FAM13A: variants seen among roughly 807,000 people sequenced by gnomAD.
FAM13A encodes the protein protein FAM13A.
Under a neutral mutation model 129.6 loss-of-function variants are expected in FAM13A, and 76 were observed. The observed-to-expected ratio is 0.59, with a 90% confidence interval of 0.49 to 0.71. FAM13A has a LOEUF of 0.71. Among genes scored for constraint, FAM13A ranks in the 30% least tolerant of loss-of-function variants. FAM13A has a pLI of 0.00. For synonymous variants in FAM13A, 443 were observed against 449.9 expected, an observed-to-expected ratio of 0.98 and a Z score of 0.20; for missense variants, 1,108 against 1,249.3, an observed-to-expected ratio of 0.89 and a Z score of 1.70.
intron 3 of FAM13A, among the ~76,000 whole-genome samples, chr4:88,992,324 T>A (rs1222505889): frequency 6.6e-6 from 1 of 151,686 alleles, no homozygotes; most frequent in Non-Finnish European, 1.5e-5. Context: ...TGGAGTGCCA[T>A]GGCACAATCT....
chr4:88,895,924 A>G (rs1249898663), intron 6 of FAM13A, among the ~76,000 whole-genome samples: 4 of 148,928 alleles, frequency 2.7e-5, no homozygotes, highest in Non-Finnish European at 3.0e-5. Flanking sequence ...TACTGGGTAT[A>G]TACCCAAAGG....
intron 5 of FAM13A, among the ~76,000 whole-genome samples, chr4:88,929,762 G>A (rs1266484661): frequency 6.6e-6 from 1 of 152,022 alleles, no homozygotes; most frequent in Non-Finnish European, 1.5e-5. Flanking sequence ...TTTTGAGACA[G>A]GATCTCTCTC....
intron 1 of FAM13A, among the ~76,000 whole-genome samples, chr4:89,039,674 A>G (rs963431749): frequency 1.3e-5 from 2 of 152,180 alleles, no homozygotes; most frequent in African/African-American, 2.4e-5. Flanking sequence ...AGGCAGAAGG[A>G]TCACTTGAGG....
intron 21 of FAM13A, among the ~76,000 whole-genome samples, chr4:88,734,735 T>C (rs1026787497): frequency 3.9e-5 from 6 of 152,186 alleles, no homozygotes; most frequent in African/African-American, 1.2e-4. Flanking sequence ...CCAGGGACTC[T>C]GGTAAGCATC....
intron 6 of FAM13A, among the ~76,000 whole-genome samples, chr4:88,880,783 C>CGGGGGGGGGGGGGGGGGGGGGGGGGGGGG (rs70959631): frequency 3.3e-5 from 1 of 30,054 alleles, no homozygotes; most frequent in Admixed American, 5.6e-4. Flanking sequence ...CGGTGGGGGG[C>CGGGGGGGGGGGGGGGGGGGGGGGGGGGGG]GGGGGGGGGG....
At chr4:88,950,059 A>G (rs1431089092) in intron 4 of FAM13A, among the ~76,000 whole-genome samples, 1 of 152,238 alleles carries the variant, frequency 6.6e-6, no homozygotes, top group Non-Finnish European at 1.5e-5. Flanking sequence ...ATTTGGGTGG[A>G]TAAGTAATTT....
chr4:89,005,856 T>A (rs1372198907), intron 3 of FAM13A, among the ~76,000 whole-genome samples: 4 of 152,220 alleles, frequency 2.6e-5, no homozygotes, highest in Non-Finnish European at 5.9e-5. Flanking sequence ...TCCTATTCTA[T>A]AGGTTGTCTG....
chr4:88,739,719 G>T (rs545805835), intron 19 of FAM13A, among the ~76,000 whole-genome samples: 2 of 146,500 alleles, frequency 1.4e-5, no homozygotes, highest in Non-Finnish European at 3.0e-5. Context: ...CACAGGAGGC[G>T]GAGGGTGCAG....
intron 3 of FAM13A, among the ~76,000 whole-genome samples, chr4:89,019,490 G>A (rs1004352580): frequency 2.0e-5 from 3 of 152,176 alleles, no homozygotes; most frequent in African/African-American, 4.8e-5. Flanking sequence ...GCCAGGTGCA[G>A]TGGTTCATGC....
Position 88,846,677 on chromosome 4 carries a change from T to C in FAM13A, c.1007+4343A>G, listed in dbSNP as rs1267159430. Among the ~76,000 whole-genome samples, 4 of 152,248 alleles carry C rather than the reference T, an allele frequency of 2.6e-5. No individual in the cohort carries two copies. The East Asian group carries it at 7.7e-4, about 29-fold the overall frequency. The stretch of plus-strand genomic sequence containing the variant: ...ATTTGTATTTGTTTAAACAGTATTA[T>C]TGAGGTATATTTTACAAATCATAAA... On this transcript the variant is annotated intron_variant, in intron 7 of 23. Transcript: ENST00000264344.
At chr4:88,992,673 G>A (rs1255725697) in intron 3 of FAM13A, among the ~76,000 whole-genome samples, 1 of 152,148 alleles carries the variant, frequency 6.6e-6, no homozygotes, top group Non-Finnish European at 1.5e-5. Context: ...GCATACATAT[G>A]AGAAGTTTCT....
intron 5 of FAM13A, among the ~76,000 whole-genome samples, chr4:88,926,058 G>A (rs1043444664): frequency 1.3e-5 from 2 of 152,076 alleles, no homozygotes; most frequent in African/African-American, 4.8e-5. Flanking sequence ...GGGAGGAAGG[G>A]AGCCAACAAG....
intron 21 of FAM13A, among the ~76,000 whole-genome samples, chr4:88,735,283 G>T (rs1738752516): frequency 6.6e-6 from 1 of 151,944 alleles, no homozygotes; most frequent in Non-Finnish European, 1.5e-5. Flanking sequence ...CATTAACTTG[G>T]TATTTATCAA....
At chr4:89,051,510 C>A (rs1771586804) in intron 1 of FAM13A, among the ~76,000 whole-genome samples, 1 of 152,182 alleles carries the variant, frequency 6.6e-6, no homozygotes, top group African/African-American at 2.4e-5. Context: ...ATCCTTTTCG[C>A]ATGCAAAATA....
rs1560809468 is a variant in FAM13A, at chr4:89,016,199, A to AC, written c.427+4260_427+4261insG. On this transcript the variant is annotated intron_variant, in intron 3 of 23. Transcript: ENST00000264344. The stretch of plus-strand genomic sequence containing the variant: ...CTTATGCCTTAGTTTAAAAAAAAAA[A>AC]AACACAATTTTACAAAGTAAAAAAA... Among the ~76,000 whole-genome samples, 7 of 143,214 alleles carry AC rather than the reference A, an allele frequency of 4.9e-5. No homozygotes were observed. The South Asian group carries it at 7.0e-4, about 14-fold the overall frequency. The allele number at this position is 143,214 out of a possible 152,430, so 94.0% of individuals were successfully genotyped here.
intron 7 of FAM13A, among the ~76,000 whole-genome samples, chr4:88,823,919 T>C (rs1732547506): frequency 6.6e-6 from 1 of 152,240 alleles, no homozygotes; most frequent in Non-Finnish European, 1.5e-5. Flanking sequence ...TTTCTGCATT[T>C]TATTCTTATA....
Position 88,790,585 on chromosome 4 carries a change from C to G in FAM13A, c.1091+1G>C. On this transcript the variant is annotated splice_donor_variant, in intron 9 of 23. Transcript: ENST00000264344. LOFTEE classifies it high-confidence loss of function. ...CCAAAAACCCAACCCAAATAACTTA[C>G]TCTCCGGTTGCAGACACATTGCTGA... The G allele has an allele frequency of 6.9e-7, 1 of 1,444,150 alleles. No homozygotes were observed. The highest frequency in any genetic ancestry group is 3.2e-5 in the East Asian group (1 of 31,532). The allele number at this position is 1,444,150 out of a possible 1,614,324, so 89.5% of individuals were successfully genotyped here.
At chr4:89,021,051 A>G (rs1767194561) in intron 2 of FAM13A, among the ~76,000 whole-genome samples, 1 of 152,234 alleles carries the variant, frequency 6.6e-6, no homozygotes, top group South Asian at 2.1e-4. Context: ...TTTTTAAATG[A>G]CATGTATTTA....
chr4:88,899,109 C>A (rs1229496687), intron 6 of FAM13A, among the ~76,000 whole-genome samples: 2 of 144,384 alleles, frequency 1.4e-5, no homozygotes, highest in Admixed American at 6.9e-5. Flanking sequence ...TACACACACA[C>A]ATACATATAT....
Sources: gnomAD v4.1 joint callset for allele counts (sites outside exome capture counted in the v4.1 genomes callset) on GRCh38, gnomAD v4.1.1 for gene constraint, MANE v1.5 for transcripts, NCBI Gene and HGNC (gene_info 2026-07-23, HGNC 2026-07-21) for gene names.